Variants in ITGA9 observed in about 807,000 individuals in gnomAD.
The protein encoded by ITGA9 is integrin alpha-9.
A neutral mutation model predicts 127.8 loss-of-function variants in ITGA9; 56 were observed. The observed-to-expected ratio is 0.44, with a 90% confidence interval of 0.35 to 0.55. ITGA9 has a LOEUF of 0.55. Ranked by LOEUF, ITGA9 falls within the 20% of genes least tolerant of loss-of-function variation. The pLI, the probability that ITGA9 is intolerant of heterozygous loss-of-function variation, is 0.00. For missense variants in ITGA9, 1,196 were observed against 1,347.1 expected, an observed-to-expected ratio of 0.89 and a Z score of 1.76; for synonymous variants, 508 against 514.5, an observed-to-expected ratio of 0.99 and a Z score of 0.17.
intron 17 of ITGA9, among the ~76,000 whole-genome samples, chr3:37,660,074 A>G (rs201349122): frequency 1.3e-5 from 2 of 152,156 alleles, no homozygotes; most frequent in East Asian, 3.8e-4. Flanking sequence ...ACTTAGGGCA[A>G]TAGTGGTAGA....
chr3:37,702,521 T>C lies in ITGA9; in HGVS notation c.2067+18506T>C, dbSNP rs537806399. Among the ~76,000 whole-genome samples the C allele has an allele frequency of 5.7e-4, 87 of 152,144 alleles. 2 individuals carry two copies. The highest frequency in any genetic ancestry group is 3.4e-3 in the Middle Eastern group (1 of 294). On this transcript the variant is annotated intron_variant, in intron 18 of 27. Coordinates refer to ENST00000264741, the MANE Select transcript of ITGA9 (RefSeq NM_002207.3). ...AGGACCTTGCAAAGCCCATGGCCTT[T>C]GAATAGAGAGCTCTGTTCTGTTTGC... is the stretch of plus-strand genomic sequence containing the variant.
chr3:37,622,787 A>G lies in ITGA9; in HGVS notation c.1690-6400A>G, dbSNP rs1167243211. Among the ~76,000 whole-genome samples, 5 of 152,028 alleles carry G rather than the reference A, an allele frequency of 3.3e-5. No individual in the cohort carries two copies. In the East Asian group the frequency reaches 7.7e-4, roughly 24 times the overall value. On this transcript the variant is annotated intron_variant, in intron 15 of 27. Transcript: ENST00000264741. The stretch of plus-strand genomic sequence containing the variant: ...TTGAACCTGGGAGGCAGAGATTGCA[A>G]TGAGCTGAGATTGCGCCACTGCACT...
At chr3:37,684,086 G>A (rs1700759105) in intron 18 of ITGA9, 71 bp downstream of exon 18, 4 of 1,246,280 alleles carry the variant, frequency 3.2e-6, no homozygotes, top group African/African-American at 1.5e-5. Flanking sequence ...ATTATTGCCT[G>A]GAATAGGCAA....
intron 18 of ITGA9, among the ~76,000 whole-genome samples, chr3:37,716,899 T>C (rs1245426056): frequency 6.6e-6 from 1 of 152,186 alleles, no homozygotes; most frequent in Non-Finnish European, 1.5e-5. Context: ...AACTTCATCA[T>C]TTAATTATAT....
chr3:37,675,064 G>A (rs1212135361), intron 17 of ITGA9, among the ~76,000 whole-genome samples: 1 of 152,220 alleles, frequency 6.6e-6, no homozygotes, highest in East Asian at 1.9e-4. Context: ...GGAATGATCA[G>A]TGCTGGCTGC....
rs141358457 is a variant in ITGA9 at position 37,561,158 on chromosome 3, A to G, written c.1689+18573A>G. On this transcript the variant is annotated intron_variant, in intron 15 of 27. Coordinates refer to ENST00000264741, the MANE Select transcript of ITGA9 (RefSeq NM_002207.3). ...ACTTTAACACAGGAATTTTGGGGGA[A>G]CACAGTTCAGCGCATAAAAATGTAT... 8.4e-3 allele frequency among the ~76,000 whole-genome samples: 1,274 copies of G among 152,348 alleles called. 66 individuals carry two copies. Among genetic ancestry groups the G allele is most frequent in the Admixed American group, 0.077 (1,182 of 15,304 alleles).
At chr3:37,623,581 C>A (rs1428846057) in intron 15 of ITGA9, among the ~76,000 whole-genome samples, 1 of 152,090 alleles carries the variant, frequency 6.6e-6, no homozygotes, top group East Asian at 1.9e-4. Flanking sequence ...AGTTAGTTCC[C>A]TGATAACTTT....
intron 7 of ITGA9, among the ~76,000 whole-genome samples, chr3:37,507,473 A>G (rs1409713224): frequency 2.6e-5 from 4 of 152,188 alleles, no homozygotes; most frequent in Non-Finnish European, 5.9e-5. Flanking sequence ...GATGAACTTC[A>G]TAGTCCCTGT....
chr3:37,587,551 T>A (rs1183725273), intron 15 of ITGA9, among the ~76,000 whole-genome samples: 1 of 152,110 alleles, frequency 6.6e-6, no homozygotes, highest in Non-Finnish European at 1.5e-5. Context: ...CATTTATCTC[T>A]CCATTTGTCC....
intron 15 of ITGA9, among the ~76,000 whole-genome samples, chr3:37,592,101 CCTGT>C (rs1387418543): frequency 1.3e-5 from 2 of 152,158 alleles, no homozygotes; most frequent in Non-Finnish European, 2.9e-5. Flanking sequence ...ATTCCTCCAG[CCTGT>C]CTCTTTCATC....
At chr3:37,562,329 C>A (rs926412199) in intron 15 of ITGA9, among the ~76,000 whole-genome samples, 2 of 152,194 alleles carry the variant, frequency 1.3e-5, no homozygotes, top group Admixed American at 1.3e-4. Flanking sequence ...CTACTTCCTC[C>A]AGACTCAGCA....
At chr3:37,596,271 A>ACCCTTAGTT (rs1559545127) in intron 15 of ITGA9, among the ~76,000 whole-genome samples, 1 of 49,502 alleles carries the variant, frequency 2.0e-5, no homozygotes, top group Non-Finnish European at 5.7e-5. Flanking sequence ...TTGAAAAGAG[A>ACCCTTAGTT]AAGGCTACAA....
chr3:37,531,053 T>C (rs1699146635), intron 13 of ITGA9, among the ~76,000 whole-genome samples: 1 of 152,076 alleles, frequency 6.6e-6, no homozygotes, highest in Non-Finnish European at 1.5e-5. Context: ...GCCCGGCCGC[T>C]ACCAGCTTCT....
intron 15 of ITGA9, among the ~76,000 whole-genome samples, chr3:37,611,921 A>G (rs1471987947): frequency 1.3e-5 from 2 of 152,074 alleles, no homozygotes; most frequent in East Asian, 1.9e-4. Context: ...ATGCTTTCCT[A>G]TAACTCTGAG....
intron 9 of ITGA9, among the ~76,000 whole-genome samples, chr3:37,514,209 A>G (rs901386407): frequency 1.3e-5 from 2 of 152,180 alleles, no homozygotes; most frequent in African/African-American, 4.8e-5. Context: ...CATGGTATCA[A>G]GGGTGCCCAT....
chr3:37,693,586 C>T (rs1245363351), intron 18 of ITGA9, among the ~76,000 whole-genome samples: 3 of 152,148 alleles, frequency 2.0e-5, no homozygotes, highest in African/African-American at 7.2e-5. Context: ...AAAACAGATC[C>T]ACTTGCTAAT....
At chr3:37,548,648 G>A (rs1011194099) in intron 15 of ITGA9, among the ~76,000 whole-genome samples, 8 of 152,022 alleles carry the variant, frequency 5.3e-5, no homozygotes, top group Non-Finnish European at 8.8e-5. Flanking sequence ...AGTTATCTTA[G>A]TTTGCTTCTC....
intron 15 of ITGA9, among the ~76,000 whole-genome samples, chr3:37,568,592 T>C (rs1211234929): frequency 6.6e-6 from 1 of 152,250 alleles, no homozygotes; most frequent in African/African-American, 2.4e-5. Flanking sequence ...CCAAGTCACA[T>C]CTTGAATGCT....
Position 37,801,146 on chromosome 3 carries a change from C to T in ITGA9, c.2890-2677C>T, listed in dbSNP as rs192150537. Among the ~76,000 whole-genome samples the T allele has an allele frequency of 3.7e-3, 557 of 151,718 alleles. 2 individuals are homozygous for T. The highest frequency in any genetic ancestry group is 5.2e-3 in the Non-Finnish European group (351 of 67,872). ...CCCCACCGCACTGCAGCCTGAGCAA[C>T]GGAGCAAGACTCCGTCTCAAAAAAA... On this transcript the variant is annotated intron_variant, in intron 26 of 27. Coordinates refer to ENST00000264741, the MANE Select transcript of ITGA9 (RefSeq NM_002207.3).
Sources: gnomAD v4.1 joint callset for allele counts (sites outside exome capture counted in the v4.1 genomes callset) on GRCh38, gnomAD v4.1.1 for gene constraint, MANE v1.5 for transcripts, NCBI Gene and HGNC (gene_info 2026-07-23, HGNC 2026-07-21) for gene names.